The following NLRP4 variants were observed in gnomAD, a reference collection of about 807,000 sequenced individuals.
The protein encoded by NLRP4 is NACHT, LRR and PYD domains-containing protein 4.
In NLRP4, 44 loss-of-function variants were observed where a neutral mutation model predicts 84.7. The ratio of observed to expected loss-of-function variants is 0.52; its 90% CI spans 0.41 to 0.67. NLRP4 has a LOEUF of 0.67. Ranked by LOEUF, NLRP4 falls within the 30% of genes least tolerant of loss-of-function variation. The pLI is 0.00. For synonymous variants in NLRP4, 544 were observed against 476.4 expected (o/e 1.14, Z -1.85); for missense variants, 1,260 against 1,219.4 (o/e 1.03, Z -0.50).
intron 5 of NLRP4, among the ~76,000 whole-genome samples, chr19:55,866,328 G>T (rs560839977): frequency 6.6e-6 from 1 of 152,092 alleles, no homozygotes; most frequent in Non-Finnish European, 1.5e-5. Flanking sequence ...CACCACGCCC[G>T]GCCGCACCAA....
At chr19:55,871,797 C>T (rs1046259889) in intron 7 of NLRP4, among the ~76,000 whole-genome samples, 1 of 150,184 alleles carries the variant, frequency 6.7e-6, no homozygotes, top group Non-Finnish European at 1.5e-5. Flanking sequence ...ACATCAGATA[C>T]AATATTAAGA....
rs1985589498 is a variant in NLRP4, at chr19:55,881,547, T to C, written c.2945T>C (p.Ile982Thr). The change falls in exon 10 of 10, where the codon ATC (isoleucine) becomes ACC (threonine). Residue 982 changes from isoleucine to threonine, a missense_variant. Transcript: ENST00000301295. ...AEEERNPNLT[I>T]TDDCDTITRV... ...GAAGAGAGAAATCCTAACCTGACCATCACAGACGACTGTGACACAATCACA... is the reference window on the plus strand; with the variant it reads ...GAAGAGAGAAATCCTAACCTGACCACCACAGACGACTGTGACACAATCACA... 1 of 1,607,546 alleles carries C rather than the reference T, an allele frequency of 6.2e-7. No individual in the cohort carries two copies. Among genetic ancestry groups the C allele is most frequent in the South Asian group, 1.1e-5 (1 of 90,926 alleles).
chr19:55,861,570 C>G (rs1445819653), intron 4 of NLRP4, 23 bp downstream of exon 4: 15 of 1,609,044 alleles, frequency 9.3e-6, no homozygotes, highest in Non-Finnish European at 1.3e-5. Flanking sequence ...TCGACTTCGA[C>G]TCGAGTATGT....
At chr19:55,856,511 CTTTTTTTTTTTT>C (rs71182923) in intron 2 of NLRP4, among the ~76,000 whole-genome samples, 2 of 112,214 alleles carry the variant, frequency 1.8e-5, no homozygotes, top group Admixed American at 9.3e-5. Flanking sequence ...GTTGCTGGAT[CTTTTTTTTTTTT>C]TTTTTTTTTT....
At chr19:55,839,200 A>G (rs991686187) in intron 1 of NLRP4, among the ~76,000 whole-genome samples, 1 of 151,404 alleles carries the variant, frequency 6.6e-6, no homozygotes, top group African/African-American at 2.4e-5. Flanking sequence ...TTATTGTTCA[A>G]CTCACACTTC....
At chr19:55,866,449 C>T (rs910022863) in intron 5 of NLRP4, among the ~76,000 whole-genome samples, 1 of 152,210 alleles carries the variant, frequency 6.6e-6, no homozygotes, top group African/African-American at 2.4e-5. Context: ...ACATTTATTT[C>T]TGGACAACTC....
At chr19:55,871,959 C>T (rs1985201988) in intron 7 of NLRP4, among the ~76,000 whole-genome samples, 1 of 151,642 alleles carries the variant, frequency 6.6e-6, no homozygotes, top group South Asian at 2.1e-4. Flanking sequence ...ACGCCATTCT[C>T]GTCTCAGCCT....
At chr19:55,869,529 AG>A (rs1312841655) in intron 6 of NLRP4, among the ~76,000 whole-genome samples, 1 of 152,160 alleles carries the variant, frequency 6.6e-6, no homozygotes, top group Non-Finnish European at 1.5e-5. Flanking sequence ...GTTCTGTCCT[AG>A]CCTGTTGGAT....
At chr19:55,860,019 T>C (rs982748995) in intron 3 of NLRP4, among the ~76,000 whole-genome samples, 1 of 146,994 alleles carries the variant, frequency 6.8e-6, no homozygotes, top group East Asian at 2.1e-4. Context: ...GGAGTTTTGC[T>C]TTGTCACCCA....
intron 1 of NLRP4, among the ~76,000 whole-genome samples, chr19:55,839,363 A>G (rs1983519425): frequency 6.6e-6 from 1 of 151,972 alleles, no homozygotes; most frequent in Non-Finnish European, 1.5e-5. Context: ...GCTCTCACAC[A>G]CACATACCCA....
intron 1 of NLRP4, among the ~76,000 whole-genome samples, chr19:55,844,800 C>G (rs1251712376): frequency 6.6e-6 from 1 of 152,204 alleles, no homozygotes; most frequent in African/African-American, 2.4e-5. Flanking sequence ...GTAACTTTTG[C>G]AGGGGGACAT....
At position 55,858,698 on chromosome 19, in the gene NLRP4, C is replaced by G; in HGVS notation, c.1305C>G (p.Thr435=). 6.2e-7 allele frequency: 1 copy of G among 1,614,078 alleles called. No individual in the cohort carries two copies. The highest frequency in any genetic ancestry group is 8.5e-7 in the Non-Finnish European group (1 of 1,179,960). The part of the protein sequence containing the change: ...VDADIPALLG[T]KILLKYGERE... ...CTGACATCCCTGCGCTGCTGGGCAC[C>G]AAGATACTTCTGAAGTACGGGGAGC... Residue 435 remains threonine, a synonymous_variant, in exon 3 of 10, where the codon ACC becomes ACG. Coordinates refer to ENST00000301295, the MANE Select transcript of NLRP4 (RefSeq NM_134444.5). The surrounding 1 kb of genome is among the most constrained non-coding windows in gnomAD (Gnocchi z 4.2).
At chr19:55,864,001 A>C (rs1265803958) in intron 5 of NLRP4, among the ~76,000 whole-genome samples, 3 of 152,256 alleles carry the variant, frequency 2.0e-5, no homozygotes, top group African/African-American at 7.2e-5. Flanking sequence ...ACCCTTTTTT[A>C]AAAAATAACA....
At chr19:55,870,737 A>C in intron 6 of NLRP4, 90 bp from the exon 7 acceptor site, 2 of 888,916 alleles carry the variant, frequency 2.2e-6, no homozygotes, top group Non-Finnish European at 3.6e-6. Flanking sequence ...GTAAGATTAT[A>C]GAAATATTAC....
chr19:55,846,637 T>C, intron 1 of NLRP4, among the ~76,000 whole-genome samples: 1 of 152,164 alleles, frequency 6.6e-6, no homozygotes, highest in East Asian at 1.9e-4. Flanking sequence ...TGCCCAAAAT[T>C]AACAGATGGC....
intron 2 of NLRP4, among the ~76,000 whole-genome samples, chr19:55,856,602 G>A (rs1444244970): frequency 7.1e-6 from 1 of 141,060 alleles, no homozygotes; most frequent in African/African-American, 2.7e-5. Context: ...TGCAACCTCT[G>A]CCTCCCGGGT....
chr19:55,839,949 C>T (rs1033365319), intron 1 of NLRP4, among the ~76,000 whole-genome samples: 2 of 152,250 alleles, frequency 1.3e-5, no homozygotes, highest in South Asian at 4.1e-4. Context: ...GATATTTTCT[C>T]TTTATTCATA....
At chr19:55,876,224 GA>G (rs1367517950) in intron 7 of NLRP4, among the ~76,000 whole-genome samples, 2 of 152,196 alleles carry the variant, frequency 1.3e-5, no homozygotes, top group African/African-American at 4.8e-5. Context: ...GGTGCAGAGA[GA>G]GGATAGACCT....
intron 5 of NLRP4, among the ~76,000 whole-genome samples, chr19:55,867,198 A>C (rs1329112219): frequency 1.4e-5 from 2 of 139,368 alleles, no homozygotes; most frequent in African/African-American, 2.7e-5. Context: ...GACAGTGCAT[A>C]TCAGGTTGGC....
Sources: allele counts gnomAD v4.1 joint callset (sites outside exome capture counted in the v4.1 genomes callset), GRCh38; gene constraint gnomAD v4.1.1; non-coding constraint Gnocchi (gnomAD v3.1); transcripts MANE v1.5; gene names NCBI Gene and HGNC (gene_info 2026-07-23, HGNC 2026-07-21).